SMIM18: variants seen among roughly 807,000 people sequenced by gnomAD.
The protein encoded by SMIM18 is small integral membrane protein 18.
In SMIM18, 4 loss-of-function variants were observed where a neutral mutation model predicts 5.9. The ratio of observed to expected loss-of-function variants is 0.68; its 90% CI spans 0.33 to 1.56. SMIM18 has a LOEUF of 1.56. Ranked by LOEUF, SMIM18 falls within the 40% of genes most tolerant of loss-of-function variation. The pLI, the probability that SMIM18 is intolerant of heterozygous loss-of-function variation, is 0.06. For synonymous variants in SMIM18, 37 were observed against 37.4 expected (o/e 0.99, Z 0.04); for missense variants, 89 against 109.7 (o/e 0.81, Z 0.84).
Position 30,645,601 on chromosome 8 carries a change from T to G in SMIM18, c.*4T>G. The G allele has an allele frequency of 2.6e-6, 4 of 1,527,784 alleles. No individual in the cohort carries two copies. The highest frequency in any genetic ancestry group is 3.5e-6 in the Non-Finnish European group (4 of 1,143,226). The allele number at this position is 1,527,784 out of a possible 1,614,324, so 94.6% of individuals were successfully genotyped here. On this transcript the variant is annotated 3_prime_UTR_variant, in exon 3 of 3. Transcript: ENST00000517349. ...ACGTGAAACTGAAGTGGTCTAACAC[T>G]CTATAGAAGATGAACAAAATCTCTG...
chr8:30,644,414 C>T (rs1210194136), intron 1 of SMIM18, 78 bp from the exon 2 acceptor site: 1 of 152,180 alleles, frequency 6.6e-6, no homozygotes, highest in African/African-American at 2.4e-5. Context: ...TCACAGATCA[C>T]TCTAACCTAA....
chr8:30,643,813 G>C (rs909615843), intron 1 of SMIM18: 4 of 138,366 alleles, frequency 2.9e-5, no homozygotes, highest in African/African-American at 1.1e-4. Context: ...TAGTAAGAAA[G>C]AAAAAAAAAA....
In SMIM18 at chr8:30,643,658, T is replaced by TAAA. The variant is rs71206267; in HGVS notation, c.-110-819_-110-817dup. ...CTGGGCAACAGAGCAAGACTCTGCCTAAAAAAAAAAAAAAAAAGACAGTAC... is the reference window on the plus strand; with the variant it reads ...CTGGGCAACAGAGCAAGACTCTGCCTAAAAAAAAAAAAAAAAAAAAGACAGTAC... On this transcript the variant is annotated intron_variant, in intron 1 of 2. Transcript: ENST00000517349. The TAAA allele has an allele frequency of 4.8e-3, 639 of 132,206 alleles. 4 individuals are homozygous for TAAA. Among genetic ancestry groups the TAAA allele is most frequent in the African/African-American group, 0.017 (591 of 35,412 alleles). 8.2% of individuals were successfully genotyped at this position (132,206 alleles called of 1,614,324 possible). A position where few individuals can be genotyped will look rare whatever the true frequency, so the allele number is the denominator to read the frequency against.
At chr8:30,640,744 G>A (rs1004197928) in intron 1 of SMIM18, among the ~76,000 whole-genome samples, 2 of 152,036 alleles carry the variant, frequency 1.3e-5, no homozygotes, top group African/African-American at 4.8e-5. Flanking sequence ...TCACTCTATC[G>A]CCCAGGCTAG....
rs186260315 is a variant in SMIM18 at position 30,642,686 on chromosome 8, C to G, written c.-110-1806C>G. 3.7e-3 allele frequency among the ~76,000 whole-genome samples: 563 copies of G among 152,310 alleles called. 2 individuals are homozygous for G. The highest frequency in any genetic ancestry group is 0.012 in the African/African-American group (519 of 41,580). ...TATATGTTTTCCCTCTTCCTATATA[C>G]ACTATCCTACACCTTGTTCTTTTCA... On this transcript the variant is annotated intron_variant, in intron 1 of 2. Coordinates refer to ENST00000517349, the MANE Select transcript of SMIM18 (RefSeq NM_001206847.2).
chr8:30,641,834 C>T (rs973306367), intron 1 of SMIM18, among the ~76,000 whole-genome samples: 1 of 151,834 alleles, frequency 6.6e-6, no homozygotes, highest in African/African-American at 2.4e-5. Flanking sequence ...CAAGATTGTG[C>T]CACTGCCATC....
chr8:30,639,561 ATC>A (rs1352031387), intron 1 of SMIM18, among the ~76,000 whole-genome samples: 1 of 152,196 alleles, frequency 6.6e-6, no homozygotes, highest in Non-Finnish European at 1.5e-5. Context: ...TAACAAGATT[ATC>A]TTCGTGGCTC....
At position 30,645,353 on chromosome 8, in the gene SMIM18, A is replaced by C. The variant is rs1342510464; in HGVS notation, c.44A>C (p.Gln15Pro). ...AATGAAACCACTACCTCTGTTTATCAGTACCTTGGTTTTCAAGTTCAAAAA... is the reference window on the plus strand; with the variant it reads ...AATGAAACCACTACCTCTGTTTATCCGTACCTTGGTTTTCAAGTTCAAAAA... ...HWNETTTSVY[Q>P]YLGFQVQKIY... The change falls in exon 3 of 3, where the codon CAG becomes CCG. Residue 15 changes from glutamine to proline, a missense_variant. Gln to Pro is a moderately conservative substitution (Grantham distance 76). Coordinates refer to ENST00000517349, the MANE Select transcript of SMIM18 (RefSeq NM_001206847.2). The C allele has an allele frequency of 1.3e-6, 2 of 1,535,698 alleles. No individual in the cohort carries two copies. Among genetic ancestry groups the C allele is most frequent in the Non-Finnish European group, 1.7e-6 (2 of 1,146,908 alleles).
intron 1 of SMIM18, 105 bp downstream of exon 1, chr8:30,638,744 T>C (rs933314344): frequency 6.6e-6 from 1 of 152,494 alleles, no homozygotes; most frequent in Non-Finnish European, 1.5e-5. Context: ...TCCTACTAAA[T>C]ATCAAGAAAA....
chr8:30,645,289 G>T lies in SMIM18; in HGVS notation c.-21G>T. ...TTCTACCTTTTTTATAGATTCAAAAGAGCAAGTGGAATCTCTAAGAATGGC... is the reference window on the plus strand; with the variant it reads ...TTCTACCTTTTTTATAGATTCAAAATAGCAAGTGGAATCTCTAAGAATGGC... On this transcript the variant is annotated 5_prime_UTR_variant, in exon 3 of 3. Transcript: ENST00000517349. 6.6e-7 allele frequency: 1 copy of T among 1,524,962 alleles called. No individual in the cohort carries two copies. Among genetic ancestry groups the T allele is most frequent in the East Asian group, 2.4e-5 (1 of 40,826 alleles). The allele number at this position is 1,524,962 out of a possible 1,614,324, so 94.5% of individuals were successfully genotyped here.
intron 1 of SMIM18, among the ~76,000 whole-genome samples, chr8:30,642,089 A>AT (rs1353062045): frequency 6.6e-6 from 1 of 152,272 alleles, no homozygotes; most frequent in Non-Finnish European, 1.5e-5. Context: ...TGTATTAAAT[A>AT]GATACATAAA....
intron 1 of SMIM18, chr8:30,643,389 T>A (rs1305987876): frequency 6.6e-6 from 1 of 152,422 alleles, no homozygotes; most frequent in East Asian, 1.9e-4. Context: ...CCAGGCGCAG[T>A]GGCTCACGCC....
chr8:30,645,519 G>C lies in SMIM18; in HGVS notation c.210G>C (p.Val70=), dbSNP rs145837810. Reference sequence around the variant, plus strand: ...GCTGCTGTGTAAAAAACAAAACCGTGAAAGACTTGAAAAGTGAACCCAACC... The same window carrying C: ...GCTGCTGTGTAAAAAACAAAACCGTCAAAGACTTGAAAAGTGAACCCAACC... ...DCCCCVKNKT[V]KDLKSEPNPL... Residue 70 remains valine (V), a synonymous_variant, in exon 3 of 3, where the codon GTG becomes GTC. Transcript: ENST00000517349. The C allele has an allele frequency of 3.3e-6, 5 of 1,535,642 alleles. No homozygotes were observed. The East Asian group carries it at 7.3e-5, about 23-fold the overall frequency.
In SMIM18 at chr8:30,645,893, A is replaced by G; in HGVS notation, c.*296A>G. The G allele has an allele frequency of 3.8e-6, 1 of 263,514 alleles. No homozygotes were observed. The highest frequency in any genetic ancestry group is 6.9e-5 in the East Asian group (1 of 14,484). The allele number at this position is 263,514 out of a possible 1,614,324, so 16.3% of individuals were successfully genotyped here. On this transcript the variant is annotated 3_prime_UTR_variant, in exon 3 of 3. Transcript: ENST00000517349. ...TTAAGCAGCAAAAGATAAGCTGGAAAAGACAAGCAAGGCTAATGATGCTAA... is the reference window on the plus strand; with the variant it reads ...TTAAGCAGCAAAAGATAAGCTGGAAGAGACAAGCAAGGCTAATGATGCTAA...
chr8:30,644,117 G>A (rs754159061), intron 1 of SMIM18, among the ~76,000 whole-genome samples: 43 of 152,156 alleles, frequency 2.8e-4, no homozygotes, highest in Non-Finnish European at 2.9e-5. Context: ...TAGAGATCAA[G>A]ACAGTAAAAA....
chr8:30,645,235 A>T (rs1802023439), intron 2 of SMIM18, 46 bp from the exon 3 acceptor site: 1 of 1,379,926 alleles, frequency 7.2e-7, no homozygotes, highest in African/African-American at 1.5e-5. Flanking sequence ...TTGAATTAAC[A>T]GATCTGTAGT....
intron 1 of SMIM18, chr8:30,643,675 AGAC>A (rs1424022124): frequency 2.0e-5 from 3 of 151,074 alleles, no homozygotes; most frequent in African/African-American, 7.3e-5. Flanking sequence ...AAAAAAAAAA[AGAC>A]AGTACATGGG....
chr8:30,641,038 G>C (rs1801804757), intron 1 of SMIM18, among the ~76,000 whole-genome samples: 1 of 152,122 alleles, frequency 6.6e-6, no homozygotes, highest in South Asian at 2.1e-4. Context: ...ATGAAAGTAA[G>C]ATTTAGCCTT....
intron 1 of SMIM18, chr8:30,643,626 C>T (rs889777526): frequency 1.3e-5 from 2 of 148,214 alleles, no homozygotes; most frequent in Admixed American, 1.4e-4. Flanking sequence ...ATTCATTGCA[C>T]TCCAGCCTGG....
Sources: gnomAD v4.1 joint callset for allele counts (sites outside exome capture counted in the v4.1 genomes callset) on GRCh38, gnomAD v4.1.1 for gene constraint, MANE v1.5 for transcripts, NCBI Gene and HGNC (gene_info 2026-07-23, HGNC 2026-07-21) for gene names.